FAF1: variants seen among roughly 807,000 people sequenced by gnomAD.
FAF1 encodes the protein FAS-associated factor 1.
FAF1 carries 25 observed loss-of-function variants against 92.5 expected under a neutral mutation model. The observed-to-expected ratio is 0.27, with a 90% CI of 0.20 to 0.38. The LOEUF is 0.38. Ranked by LOEUF, FAF1 falls within the 10% of genes least tolerant of loss-of-function variation. The pLI is 1.00. For missense variants in FAF1, 636 were observed against 793.3 expected (o/e 0.80, Z 2.38); for synonymous variants, 234 against 273.2 (o/e 0.86, Z 1.42).
At chr1:50,443,895 C>T (rs1449035694) in intron 18 of FAF1, among the ~76,000 whole-genome samples, 1 of 152,072 alleles carries the variant, frequency 6.6e-6, no homozygotes, top group Non-Finnish European at 1.5e-5. Flanking sequence ...TCCCCACGGC[C>T]CAGCAAGAGT....
intron 18 of FAF1, among the ~76,000 whole-genome samples, chr1:50,446,680 A>G (rs1646230990): frequency 6.6e-6 from 1 of 152,238 alleles, no homozygotes. Flanking sequence ...CATGTGAGGA[A>G]GTTAGATCTT....
intron 15 of FAF1, among the ~76,000 whole-genome samples, chr1:50,516,771 C>T (rs974773189): frequency 1.3e-5 from 2 of 152,206 alleles, no homozygotes; most frequent in African/African-American, 4.8e-5. Flanking sequence ...TACAGCTATA[C>T]ATTCAAATTT....
intron 7 of FAF1, among the ~76,000 whole-genome samples, chr1:50,660,858 A>G (rs918567749): frequency 1.3e-5 from 2 of 152,170 alleles, no homozygotes; most frequent in African/African-American, 4.8e-5. Flanking sequence ...AGCCATTCTG[A>G]GACCTCATGT....
chr1:50,520,880 C>T (rs920787238), intron 15 of FAF1, among the ~76,000 whole-genome samples: 3 of 152,018 alleles, frequency 2.0e-5, no homozygotes, highest in Non-Finnish European at 4.4e-5. Context: ...TATTAAAGTC[C>T]TTTCTGACTA....
chr1:50,520,516 A>G (rs1029632657), intron 15 of FAF1, among the ~76,000 whole-genome samples: 2 of 152,144 alleles, frequency 1.3e-5, no homozygotes, highest in Non-Finnish European at 2.9e-5. Context: ...ACCTCTGCAC[A>G]TGCAAACTGT....
intron 12 of FAF1, among the ~76,000 whole-genome samples, chr1:50,575,662 G>T (rs1650696778): frequency 6.6e-6 from 1 of 152,118 alleles, no homozygotes; most frequent in South Asian, 2.1e-4. Context: ...GCAGGATGCT[G>T]TCCCAGCTGT....
intron 6 of FAF1, among the ~76,000 whole-genome samples, chr1:50,728,740 G>A (rs866002270): frequency 2.9e-4 from 43 of 150,772 alleles, no homozygotes; most frequent in African/African-American, 1.0e-3. Flanking sequence ...GGAATGAGCC[G>A]AGATTGCGCC....
intron 17 of FAF1, among the ~76,000 whole-genome samples, chr1:50,483,205 GA>G (rs1360452251): frequency 6.6e-6 from 1 of 152,014 alleles, no homozygotes; most frequent in African/African-American, 2.4e-5. Context: ...TTTTCTATGG[GA>G]TTTTTTTTGG....
intron 8 of FAF1, among the ~76,000 whole-genome samples, chr1:50,625,372 G>C (rs1198359713): frequency 6.6e-6 from 1 of 152,316 alleles, no homozygotes; most frequent in South Asian, 2.1e-4. Flanking sequence ...TAAGGATAGA[G>C]AGAGAAAAAG....
intron 18 of FAF1, among the ~76,000 whole-genome samples, chr1:50,455,764 T>A (rs1299876152): frequency 6.6e-6 from 1 of 152,202 alleles, no homozygotes; most frequent in African/African-American, 2.4e-5. Context: ...CCAGGAGACA[T>A]GGTTCCCAGC....
At chr1:50,522,197 C>T (rs1384466817) in intron 15 of FAF1, among the ~76,000 whole-genome samples, 2 of 152,144 alleles carry the variant, frequency 1.3e-5, no homozygotes, top group Admixed American at 6.5e-5. Flanking sequence ...CCACTCAGAT[C>T]CTACCTAATC....
At chr1:50,600,902 ATT>A (rs1015818581) in intron 8 of FAF1, among the ~76,000 whole-genome samples, 2 of 152,192 alleles carry the variant, frequency 1.3e-5, no homozygotes, top group African/African-American at 2.4e-5. Context: ...CTTAAATATT[ATT>A]TTCTTCAATA....
chr1:50,860,999 C>G (rs1644427799), intron 1 of FAF1, among the ~76,000 whole-genome samples: 1 of 151,858 alleles, frequency 6.6e-6, no homozygotes, highest in African/African-American at 2.4e-5. Flanking sequence ...CAATACACCA[C>G]ATTTTCTCAC....
intron 13 of FAF1, among the ~76,000 whole-genome samples, chr1:50,549,453 C>T (rs1444587170): frequency 6.6e-6 from 1 of 151,644 alleles, no homozygotes; most frequent in African/African-American, 2.4e-5. Context: ...GGACTACAGG[C>T]ATGCACCACC....
intron 6 of FAF1, among the ~76,000 whole-genome samples, chr1:50,719,981 C>G (rs544066080): frequency 2.2e-4 from 33 of 151,350 alleles, no homozygotes; most frequent in Non-Finnish European, 2.4e-4. Context: ...GAAATGTCCT[C>G]TTCTTAAAAT....
chr1:50,503,796 A>G (rs989729765), intron 15 of FAF1, among the ~76,000 whole-genome samples: 1 of 152,366 alleles, frequency 6.6e-6, no homozygotes, highest in South Asian at 2.1e-4. Context: ...AGTATATACC[A>G]TATGGTTTAA....
At chr1:50,452,559 T>G (rs1334699338) in intron 18 of FAF1, among the ~76,000 whole-genome samples, 4 of 152,144 alleles carry the variant, frequency 2.6e-5, no homozygotes, top group African/African-American at 9.7e-5. Context: ...CCAAGGCCAA[T>G]ACCACGGAAG....
intron 6 of FAF1, among the ~76,000 whole-genome samples, chr1:50,721,560 T>C (rs1390800707): frequency 6.6e-6 from 1 of 152,092 alleles, no homozygotes. Flanking sequence ...CTTACATATA[T>C]AAAGTTTTCA....
intron 13 of FAF1, among the ~76,000 whole-genome samples, chr1:50,544,291 G>A (rs1364502762): frequency 6.6e-6 from 1 of 152,136 alleles, no homozygotes; most frequent in East Asian, 1.9e-4. Flanking sequence ...TAAGGTAAAG[G>A]CAGTGATCCT....
Sources: allele counts gnomAD v4.1 joint callset (sites outside exome capture counted in the v4.1 genomes callset), GRCh38; gene constraint gnomAD v4.1.1; transcripts MANE v1.5; gene names NCBI Gene and HGNC (gene_info 2026-07-23, HGNC 2026-07-21).